The following PDIA3 variants were observed in gnomAD, a reference collection of about 807,000 sequenced individuals.
PDIA3 encodes protein disulfide isomerase family A member 3.
Under a neutral mutation model 56.9 loss-of-function variants are expected in PDIA3, and 16 were observed. That is an observed-to-expected ratio of 0.28 (90% CI 0.19 to 0.43). The LOEUF is 0.43. Among genes scored for constraint, PDIA3 ranks in the 20% least tolerant of loss-of-function variants. PDIA3 has a pLI of 1.00. For missense variants in PDIA3, 485 were observed against 621.3 expected (o/e 0.78, Z 2.33); for synonymous variants, 192 against 216.5 (o/e 0.89, Z 0.99).
At chr15:43,766,038 A>G (rs1190542072) in intron 7 of PDIA3, 26 bp downstream of exon 7, 1 of 1,610,098 alleles carries the variant, frequency 6.2e-7, no homozygotes, top group Non-Finnish European at 8.5e-7. Context: ...TTTTTCCCTC[A>G]TGAACAAGTT....
rs1053492 is a variant in PDIA3, at chr15:43,769,604, C to T, written c.1224C>T (p.His408=). The change falls in exon 10 of 13, where the codon CAC becomes CAT. Residue 408 remains histidine, a synonymous_variant. Transcript: ENST00000300289. ...LIEFYAPWCG[H]CKNLEPKYKE... Reference sequence around the variant, plus strand: ...AATTTTATGCCCCTTGGTGTGGTCACTGTAAGAACCTGGAGCCCAAGTATA... The same window carrying T: ...AATTTTATGCCCCTTGGTGTGGTCATTGTAAGAACCTGGAGCCCAAGTATA... 1,108,295 of 1,612,240 alleles carry T rather than the reference C, an allele frequency of 0.69. 393,848 individuals carry two copies. Among genetic ancestry groups the T allele is most frequent in the Non-Finnish European group, 0.72 (853,722 of 1,178,550 alleles).
At chr15:43,768,853 A>G (rs759176826) in intron 9 of PDIA3, among the ~76,000 whole-genome samples, 1 of 151,948 alleles carries the variant, frequency 6.6e-6, no homozygotes, top group African/African-American at 2.4e-5. Flanking sequence ...GAAACCCCGT[A>G]TCTACTAAAA....
Position 43,753,816 on chromosome 15 carries a change from G to T in PDIA3, c.168-8G>T. ...ACTGAGAATTTGGCTTTTTTAATAC[G>T]TATATAGGTGTGGACACTGCAAGAG... On this transcript the variant is annotated splice_region_variant and splice_polypyrimidine_tract_variant and intron_variant, in intron 1 of 12. Transcript: ENST00000300289. 6.2e-7 allele frequency: 1 copy of T among 1,603,150 alleles called. No individual in the cohort carries two copies. The highest frequency in any genetic ancestry group is 8.5e-7 in the Non-Finnish European group (1 of 1,170,178).
At chr15:43,758,926 G>A (rs1690156070) in intron 3 of PDIA3, among the ~76,000 whole-genome samples, 1 of 151,132 alleles carries the variant, frequency 6.6e-6, no homozygotes, top group South Asian at 2.1e-4. Context: ...GCAGCGAGCT[G>A]AGATCACACC....
intron 2 of PDIA3, among the ~76,000 whole-genome samples, chr15:43,755,587 TTTAATC>T (rs2086773519): frequency 6.6e-6 from 1 of 152,144 alleles, no homozygotes; most frequent in Non-Finnish European, 1.5e-5. Flanking sequence ...GGAAATTACT[TTTAATC>T]TTATCAAGCA....
At chr15:43,761,108 G>A (rs539843504) in intron 3 of PDIA3, among the ~76,000 whole-genome samples, 1 of 152,018 alleles carries the variant, frequency 6.6e-6, no homozygotes, top group East Asian at 2.0e-4. Flanking sequence ...CGGGCATGGT[G>A]GTGGGCACCT....
chr15:43,771,232 C>A lies in PDIA3; in HGVS notation c.*14C>A. 1 of 1,516,600 alleles carries A rather than the reference C, an allele frequency of 6.6e-7. No homozygotes were observed. Among genetic ancestry groups the A allele is most frequent in the Non-Finnish European group, 9.1e-7 (1 of 1,095,392 alleles). The allele number at this position is 1,516,600 out of a possible 1,614,324, so 93.9% of individuals were successfully genotyped here. On this transcript the variant is annotated 3_prime_UTR_variant, in exon 13 of 13. Coordinates refer to ENST00000300289, the MANE Select transcript of PDIA3 (RefSeq NM_005313.5). ...GAGGATCTCTAAAGCAGTAGCCAAA[C>A]ACCACTTTGTAAAAGGACTCTTCCA... is the stretch of plus-strand genomic sequence containing the variant.
At chr15:43,755,948 A>G (rs1401201117) in intron 2 of PDIA3, among the ~76,000 whole-genome samples, 1 of 152,060 alleles carries the variant, frequency 6.6e-6, no homozygotes, top group African/African-American at 2.4e-5. Flanking sequence ...CACAATTCCT[A>G]CCTGTGTGAC....
chr15:43,750,832 G>C (rs2086739092), intron 1 of PDIA3, among the ~76,000 whole-genome samples: 1 of 149,912 alleles, frequency 6.7e-6, no homozygotes, highest in Non-Finnish European at 1.5e-5. Flanking sequence ...TACCCTCTAA[G>C]ACAGTAGTAA....
chr15:43,768,078 G>A (rs186018706), intron 8 of PDIA3, among the ~76,000 whole-genome samples: 109 of 152,220 alleles, frequency 7.2e-4, no homozygotes, highest in South Asian at 5.2e-3. Flanking sequence ...TGGGTCTAAA[G>A]TGAACTCAGA....
chr15:43,761,241 CAAAA>C (rs34237990), intron 3 of PDIA3, among the ~76,000 whole-genome samples, 179 bp from the exon 4 acceptor site: 5 of 95,522 alleles, frequency 5.2e-5, no homozygotes, highest in African/African-American at 7.9e-5. Context: ...GACTCTGTCT[CAAAA>C]AAAAAAAAAA....
chr15:43,769,176 T>A (rs986700416), intron 9 of PDIA3, among the ~76,000 whole-genome samples: 1 of 152,196 alleles, frequency 6.6e-6, no homozygotes, highest in African/African-American at 2.4e-5. Context: ...TTGAATTTTT[T>A]ATAGGGATGT....
chr15:43,762,559 C>G (rs1046675856), intron 4 of PDIA3, among the ~76,000 whole-genome samples: 1 of 150,026 alleles, frequency 6.7e-6, no homozygotes, highest in Non-Finnish European at 1.5e-5. Context: ...ATATGGTTTA[C>G]TGTTTAAATT....
At chr15:43,753,733 A>G in intron 1 of PDIA3, 91 bp from the exon 2 acceptor site, 2 of 873,296 alleles carry the variant, frequency 2.3e-6, no homozygotes, top group Non-Finnish European at 3.8e-6. Flanking sequence ...GCTCAAAGGT[A>G]GTATTATAGT....
intron 1 of PDIA3, among the ~76,000 whole-genome samples, chr15:43,751,340 T>C (rs1365015494): frequency 6.6e-6 from 1 of 152,002 alleles, no homozygotes; most frequent in Non-Finnish European, 1.5e-5. Context: ...ACTATACCAA[T>C]TTTCTTATCA....
At chr15:43,769,311 A>T (rs925059014) in intron 9 of PDIA3, among the ~76,000 whole-genome samples, 2 of 152,204 alleles carry the variant, frequency 1.3e-5, no homozygotes, top group African/African-American at 4.8e-5. Flanking sequence ...CTTCCTGAAC[A>T]TAGTTTGACA....
chr15:43,770,568 AAAG>A lies in PDIA3; in HGVS notation c.1395_1397del (p.Lys466del). On this transcript the variant is annotated inframe_deletion, in exon 12 of 13. Coordinates refer to ENST00000300289, the MANE Select transcript of PDIA3 (RefSeq NM_005313.5). Reference sequence around the variant, plus strand: ...CTCCAGCCAACAAGAAGCTAAATCCAAAGAAATATGAAGTAAGTGAATTGTCCC... The same window carrying A: ...CTCCAGCCAACAAGAAGCTAAATCCAAAATATGAAGTAAGTGAATTGTCCC... 6.2e-7 allele frequency: 1 copy of A among 1,609,052 alleles called. No individual in the cohort carries two copies. Among genetic ancestry groups the A allele is most frequent in the Non-Finnish European group, 8.5e-7 (1 of 1,175,350 alleles).
Position 43,746,441 on chromosome 15 carries a change from CGCGCG to C in PDIA3, c.-98_-94del. ...CGGCTGCAGGTCCGCCTGGGCCAGA[CGCGCG>C]AGCGCAAGCAGCGGGTTAGTGGTCG... On this transcript the variant is annotated 5_prime_UTR_variant, in exon 1 of 13. Transcript: ENST00000300289. 1 of 1,232,576 alleles carries C rather than the reference CGCGCG, an allele frequency of 8.1e-7. No homozygotes were observed. Among genetic ancestry groups the C allele is most frequent in the Non-Finnish European group, 1.1e-6 (1 of 932,070 alleles). 76.4% of individuals were successfully genotyped at this position (1,232,576 alleles called of 1,614,324 possible).
intron 2 of PDIA3, 52 bp downstream of exon 2, chr15:43,753,954 G>C: frequency 1.6e-6 from 2 of 1,255,302 alleles, no homozygotes; most frequent in Non-Finnish European, 2.3e-6. Context: ...TTAAAAAGTA[G>C]TTTGTTGTCT....
Sources: allele counts gnomAD v4.1 joint callset (sites outside exome capture counted in the v4.1 genomes callset), GRCh38; gene constraint gnomAD v4.1.1; transcripts MANE v1.5; gene names NCBI Gene and HGNC (gene_info 2026-07-23, HGNC 2026-07-21).